The following FMNL2 variants were observed in gnomAD, a reference collection of about 807,000 sequenced individuals.
FMNL2 encodes the protein formin like 2, also known as formin-like protein 2.
Under a neutral mutation model 130.2 loss-of-function variants are expected in FMNL2, and 51 were observed. The ratio of observed to expected loss-of-function variants is 0.39; its 90% CI spans 0.31 to 0.49. The LOEUF (loss-of-function observed/expected upper bound fraction) is 0.49. FMNL2 is among the 20% of genes least tolerant of loss of function. The probability of loss-of-function intolerance (pLI) is 0.85; values close to 1 mark genes in which losing one functional copy is unlikely to be tolerated. For missense variants in FMNL2, 977 were observed against 1,316.2 expected, an observed-to-expected ratio of 0.74 and a Z score of 3.99; for synonymous variants, 465 against 467.1, an observed-to-expected ratio of 1.00 and a Z score of 0.06.
In FMNL2 at chr2:152,390,273, A is replaced by G; in HGVS notation, c.117+54553A>G. On this transcript the variant is annotated intron_variant, in intron 1 of 25. Coordinates refer to ENST00000288670, the MANE Select transcript of FMNL2 (RefSeq NM_052905.4). The stretch of plus-strand genomic sequence containing the variant: ...GGGGCAGCACCTCCGGGTGGGGCTC[A>G]AGGGGCAGCCAGCAATCATCGATGG... 3 of 1,423,212 alleles carry G rather than the reference A, an allele frequency of 2.1e-6. 1 individual carries two copies. The South Asian group carries it at 3.5e-5, about 16-fold the overall frequency. 88.2% of individuals were successfully genotyped at this position (1,423,212 alleles called of 1,614,324 possible). A position where few individuals can be genotyped will look rare whatever the true frequency, so the allele number is the denominator to read the frequency against.
intron 1 of FMNL2, among the ~76,000 whole-genome samples, chr2:152,382,806 A>C (rs1684553383): frequency 6.6e-6 from 1 of 152,218 alleles, no homozygotes; most frequent in African/African-American, 2.4e-5. Flanking sequence ...AGCTGGGGAA[A>C]AAATAGAAGT....
chr2:152,347,022 CGG>C (rs1682163232), intron 1 of FMNL2, among the ~76,000 whole-genome samples: 1 of 151,362 alleles, frequency 6.6e-6, no homozygotes, highest in African/African-American at 2.4e-5. Flanking sequence ...ACCTGGGAAG[CGG>C]AGGTTGCAGT....
intron 1 of FMNL2, among the ~76,000 whole-genome samples, chr2:152,342,161 A>G (rs1681850303): frequency 6.6e-6 from 1 of 152,254 alleles, no homozygotes; most frequent in Non-Finnish European, 1.5e-5. Flanking sequence ...TTTGGTCTTA[A>G]TGAACAGTGC....
chr2:152,406,531 G>C (rs567614570), intron 1 of FMNL2, among the ~76,000 whole-genome samples: 1 of 152,316 alleles, frequency 6.6e-6, no homozygotes, highest in East Asian at 1.9e-4. Flanking sequence ...CAAGATGGTA[G>C]TCTCAATTCC....
chr2:152,429,825 G>A (rs1257071538), intron 1 of FMNL2, among the ~76,000 whole-genome samples: 2 of 152,256 alleles, frequency 1.3e-5, no homozygotes, highest in African/African-American at 2.4e-5. Flanking sequence ...AAATTTCTGT[G>A]CTGTAGTTTT....
intron 5 of FMNL2, among the ~76,000 whole-genome samples, 173 bp from the exon 6 acceptor site, chr2:152,560,710 C>G (rs927737472): frequency 2.6e-5 from 4 of 152,208 alleles, no homozygotes; most frequent in African/African-American, 9.7e-5. Flanking sequence ...ATTCTTAAAG[C>G]TAACACTGAG....
chr2:152,488,404 C>T (rs1690958368), intron 1 of FMNL2, among the ~76,000 whole-genome samples: 1 of 152,180 alleles, frequency 6.6e-6, no homozygotes, highest in Non-Finnish European at 1.5e-5. Flanking sequence ...GCATTGAAGG[C>T]CAAGACACAC....
rs114158126 is a variant in FMNL2 at position 152,499,427 on chromosome 2, G to T, written c.118-22516G>T. On this transcript the variant is annotated intron_variant, in intron 1 of 25. Coordinates refer to ENST00000288670, the MANE Select transcript of FMNL2 (RefSeq NM_052905.4). Reference sequence around the variant, plus strand: ...GAGGAAGCTGAGTGTTTGGGTTGTTGTGATTGCTGCTGTTGGGGATTTCAT... The same window carrying T: ...GAGGAAGCTGAGTGTTTGGGTTGTTTTGATTGCTGCTGTTGGGGATTTCAT... 8.8e-3 allele frequency among the ~76,000 whole-genome samples: 1,336 copies of T among 152,298 alleles called. 24 individuals carry two copies. The highest frequency in any genetic ancestry group is 0.03 in the African/African-American group (1,257 of 41,562).
chr2:152,375,877 C>CTCTCTCTCTCTCTCTCTATA (rs796954245), intron 1 of FMNL2, among the ~76,000 whole-genome samples: 8 of 112,482 alleles, frequency 7.1e-5, no homozygotes, highest in East Asian at 1.1e-3. Flanking sequence ...CTCTCTCTCT[C>CTCTCTCTCTCTCTCTCTATA]TATATATATA....
intron 1 of FMNL2, among the ~76,000 whole-genome samples, chr2:152,462,205 T>C (rs1314559053): frequency 6.6e-6 from 1 of 152,184 alleles, no homozygotes; most frequent in Non-Finnish European, 1.5e-5. Context: ...CAAGTACAAC[T>C]AGGAACTGAA....
intron 1 of FMNL2, among the ~76,000 whole-genome samples, chr2:152,406,057 C>T (rs1685961868): frequency 6.6e-6 from 1 of 152,016 alleles, no homozygotes; most frequent in Non-Finnish European, 1.5e-5. Context: ...TCTCTTGTGA[C>T]TACAAAAGGA....
intron 9 of FMNL2, among the ~76,000 whole-genome samples, chr2:152,593,902 T>TGTGAGAGAGA: frequency 1.2e-5 from 1 of 81,636 alleles, no homozygotes; most frequent in East Asian, 3.8e-4. Context: ...TGTGTGTGTG[T>TGTGAGAGAGA]GAGAGAGAGA....
intron 1 of FMNL2, among the ~76,000 whole-genome samples, chr2:152,415,495 T>C (rs975947126): frequency 1.3e-5 from 2 of 152,220 alleles, no homozygotes; most frequent in Non-Finnish European, 2.9e-5. Context: ...ACTCTACAGA[T>C]ATGATTTGTG....
chr2:152,606,530 TATC>T (rs753545542), intron 9 of FMNL2, among the ~76,000 whole-genome samples: 11 of 151,638 alleles, frequency 7.3e-5, no homozygotes, highest in Non-Finnish European at 1.5e-4. Flanking sequence ...TGTAGTGAGC[TATC>T]ATTGTGCTAC....
intron 11 of FMNL2, 68 bp downstream of exon 11, chr2:152,611,673 C>T (rs2304558): frequency 0.092 from 92,943 of 1,008,480 alleles, 4,722 homozygotes; most frequent in South Asian, 0.13. Context: ...CTCAAAGGTA[C>T]GCTTCCATAG....
chr2:152,591,175 A>G (rs1329918120), intron 9 of FMNL2, among the ~76,000 whole-genome samples: 1 of 150,506 alleles, frequency 6.6e-6, no homozygotes, highest in Non-Finnish European at 1.5e-5. Context: ...CGCCTGGCTA[A>G]TTTTTTTGTA....
At chr2:152,591,016 T>C (rs1697407082) in intron 9 of FMNL2, among the ~76,000 whole-genome samples, 1 of 80,104 alleles carries the variant, frequency 1.2e-5, no homozygotes, top group African/African-American at 5.6e-5. Flanking sequence ...TTTTTTTTTT[T>C]TTTTTTTTGA....
chr2:152,428,128 C>T (rs556827588), intron 1 of FMNL2, among the ~76,000 whole-genome samples: 4 of 152,188 alleles, frequency 2.6e-5, no homozygotes, highest in Non-Finnish European at 4.4e-5. Context: ...TGTCTCAACC[C>T]ATTCTTGCCA....
chr2:152,359,722 A>G (rs1683051327), intron 1 of FMNL2, among the ~76,000 whole-genome samples: 1 of 152,188 alleles, frequency 6.6e-6, no homozygotes, highest in Non-Finnish European at 1.5e-5. Context: ...CAATTTTGGA[A>G]GAAGGGGAAA....
Sources: allele counts gnomAD v4.1 joint callset (sites outside exome capture counted in the v4.1 genomes callset), GRCh38; gene constraint gnomAD v4.1.1; transcripts MANE v1.5; gene names NCBI Gene and HGNC (gene_info 2026-07-23, HGNC 2026-07-21).